CNTN5: variants seen among roughly 807,000 people sequenced by gnomAD.
CNTN5 encodes the protein contactin-5.
CNTN5 carries 77 observed loss-of-function variants against 129.1 expected under a neutral mutation model. The observed-to-expected ratio is 0.60, with a 90% CI of 0.50 to 0.72. The LOEUF (loss-of-function observed/expected upper bound fraction) is 0.72. Among genes scored for constraint, CNTN5 ranks in the 30% least tolerant of loss-of-function variants. The probability of loss-of-function intolerance (pLI) is 0.00; values close to 1 mark genes in which losing one functional copy is unlikely to be tolerated. For missense variants in CNTN5, 1,478 were observed against 1,328.8 expected (o/e 1.11, Z -1.75); for synonymous variants, 509 against 465.6 (o/e 1.09, Z -1.20).
chr11:99,355,386 T>G lies in CNTN5; in HGVS notation c.-71+29902T>G, dbSNP rs187029593. Reference sequence around the variant, plus strand: ...TTAAAGCATAATAAAATGGACCCTGTGCTCTAAGAAATCTCTCTGGGACCA... The same window carrying G: ...TTAAAGCATAATAAAATGGACCCTGGGCTCTAAGAAATCTCTCTGGGACCA... On this transcript the variant is annotated intron_variant, in intron 2 of 24. Transcript: ENST00000524871. Among the ~76,000 whole-genome samples, 72 of 152,308 alleles carry G rather than the reference T, an allele frequency of 4.7e-4. 1 individual carries two copies. Among genetic ancestry groups the G allele is most frequent in the Non-Finnish European group, 8.4e-4 (57 of 68,032 alleles).
intron 6 of CNTN5, among the ~76,000 whole-genome samples, chr11:99,915,727 G>A (rs1470715155): frequency 2.0e-5 from 3 of 152,100 alleles, no homozygotes; most frequent in African/African-American, 7.2e-5. Context: ...GGCGTTATTG[G>A]TAGTAGAAAT....
chr11:99,832,044 T>A (rs1947157609), intron 4 of CNTN5, among the ~76,000 whole-genome samples: 2 of 152,206 alleles, frequency 1.3e-5, no homozygotes, highest in South Asian at 4.1e-4. Flanking sequence ...ACCACCACTG[T>A]GCTGTACATT....
At chr11:99,312,016 G>T (rs77965245) in intron 1 of CNTN5, among the ~76,000 whole-genome samples, 3,648 of 152,180 alleles carry the variant, frequency 0.024, 319 homozygotes, top group East Asian at 0.24. Context: ...TGCTACTGCT[G>T]GTTAGCCAGG....
chr11:99,637,526 T>C lies in CNTN5; in HGVS notation c.55+81257T>C, dbSNP rs902659134. Among the ~76,000 whole-genome samples, 5 of 152,104 alleles carry C rather than the reference T, an allele frequency of 3.3e-5. No individual in the cohort carries two copies. The East Asian group carries it at 9.6e-4, about 29-fold the overall frequency. On this transcript the variant is annotated intron_variant, in intron 3 of 24. Coordinates refer to ENST00000524871, the MANE Select transcript of CNTN5 (RefSeq NM_014361.4). Reference sequence around the variant, plus strand: ...GGTGGTTGATGAAGACTGTGCCAATTACTAAAAAATAAAGTTACATATAGG... The same window carrying C: ...GGTGGTTGATGAAGACTGTGCCAATCACTAAAAAATAAAGTTACATATAGG...
At chr11:99,717,669 G>A (rs1409945226) in intron 3 of CNTN5, among the ~76,000 whole-genome samples, 1 of 151,968 alleles carries the variant, frequency 6.6e-6, no homozygotes, top group African/African-American at 2.4e-5. Context: ...ACATATGGAT[G>A]TCTCCATAAT....
intron 13 of CNTN5, among the ~76,000 whole-genome samples, chr11:100,107,142 C>T (rs928113949): frequency 6.6e-6 from 1 of 152,056 alleles, no homozygotes; most frequent in African/African-American, 2.4e-5. Context: ...TAATAATAAA[C>T]TTAGACTAAT....
At chr11:99,633,262 A>T (rs1165342867) in intron 3 of CNTN5, among the ~76,000 whole-genome samples, 2 of 152,218 alleles carry the variant, frequency 1.3e-5, no homozygotes, top group Non-Finnish European at 2.9e-5. Context: ...ATGAGCACAA[A>T]GTGTCCTATT....
chr11:100,253,943 C>A (rs565501975), intron 16 of CNTN5, among the ~76,000 whole-genome samples: 1 of 152,228 alleles, frequency 6.6e-6, no homozygotes, highest in African/African-American at 2.4e-5. Flanking sequence ...CCTCCCATAA[C>A]AATCCAGTCT....
intron 1 of CNTN5, among the ~76,000 whole-genome samples, chr11:99,190,944 C>A (rs552134616): frequency 8.6e-5 from 13 of 151,616 alleles, no homozygotes; most frequent in African/African-American, 3.1e-4. Context: ...ATAGCTTTCA[C>A]CTTTTCACTG....
At chr11:100,037,288 T>G (rs1478414413) in intron 9 of CNTN5, among the ~76,000 whole-genome samples, 3 of 151,264 alleles carry the variant, frequency 2.0e-5, no homozygotes. Context: ...TTGTGTATAT[T>G]GAACCAGCCT....
At chr11:99,995,788 G>A (rs747631448) in intron 8 of CNTN5, among the ~76,000 whole-genome samples, 1 of 152,032 alleles carries the variant, frequency 6.6e-6, no homozygotes, top group African/African-American at 2.4e-5. Flanking sequence ...TTAATTTTAG[G>A]AGAAAATTTG....
chr11:100,196,788 G>T (rs1364645515), intron 15 of CNTN5, among the ~76,000 whole-genome samples: 1 of 151,910 alleles, frequency 6.6e-6, no homozygotes, highest in African/African-American at 2.4e-5. Context: ...ATAAACATTT[G>T]ATCCAATTCA....
intron 3 of CNTN5, among the ~76,000 whole-genome samples, chr11:99,628,929 T>C (rs1951236334): frequency 6.6e-6 from 1 of 152,096 alleles, no homozygotes; most frequent in South Asian, 2.1e-4. Flanking sequence ...ATTGAGATAG[T>C]GGCACTTGCT....
chr11:100,049,619 C>G (rs546031535), intron 9 of CNTN5, among the ~76,000 whole-genome samples: 1 of 152,060 alleles, frequency 6.6e-6, no homozygotes, highest in Non-Finnish European at 1.5e-5. Flanking sequence ...CCAGAATTGA[C>G]AAATGGGATC....
At chr11:99,907,392 G>A (rs1369352211) in intron 6 of CNTN5, among the ~76,000 whole-genome samples, 1 of 151,954 alleles carries the variant, frequency 6.6e-6, no homozygotes, top group Non-Finnish European at 1.5e-5. Context: ...AGCACCGTCA[G>A]GAGGTTGGGG....
chr11:99,790,351 A>T (rs1945696061), intron 3 of CNTN5, among the ~76,000 whole-genome samples: 1 of 151,882 alleles, frequency 6.6e-6, no homozygotes, highest in African/African-American at 2.4e-5. Context: ...AGTAGACCTT[A>T]GTGTCTTTTG....
At chr11:99,582,611 A>G (rs879271477) in intron 3 of CNTN5, among the ~76,000 whole-genome samples, 3 of 151,978 alleles carry the variant, frequency 2.0e-5, no homozygotes, top group Admixed American at 6.5e-5. Flanking sequence ...CTTCCAGTTG[A>G]TCTCATCGGT....
At chr11:99,978,203 A>T (rs1394542746) in intron 8 of CNTN5, among the ~76,000 whole-genome samples, 2 of 152,234 alleles carry the variant, frequency 1.3e-5, no homozygotes, top group Non-Finnish European at 2.9e-5. Context: ...ATCTAAAGAA[A>T]GAAAACATTT....
chr11:99,161,110 A>C (rs1860590467), intron 1 of CNTN5, among the ~76,000 whole-genome samples: 1 of 152,164 alleles, frequency 6.6e-6, no homozygotes, highest in African/African-American at 2.4e-5. Context: ...CTCTCATTTC[A>C]CTAGAATCTA....
Sources: gnomAD v4.1 joint callset for allele counts (sites outside exome capture counted in the v4.1 genomes callset) on GRCh38, gnomAD v4.1.1 for gene constraint, MANE v1.5 for transcripts, NCBI Gene and HGNC (gene_info 2026-07-23, HGNC 2026-07-21) for gene names.